Variants in UBE3A observed in about 807,000 individuals in gnomAD.
The protein encoded by UBE3A is ubiquitin-protein ligase E3A.
Under a neutral mutation model 83.4 loss-of-function variants are expected in UBE3A, and 6 were observed. The observed-to-expected ratio is 0.07, with a 90% CI of 0.04 to 0.14. The LOEUF is 0.14. Ranked by LOEUF, UBE3A falls within the 10% of genes least tolerant of loss-of-function variation. The pLI is 1.00. For missense variants in UBE3A, 456 were observed against 1,036.1 expected, an observed-to-expected ratio of 0.44 and a Z score of 7.69; for synonymous variants, 337 against 355.4, an observed-to-expected ratio of 0.95 and a Z score of 0.58.
At chr15:25,352,367 T>C (rs1286814816) in intron 11 of UBE3A, among the ~76,000 whole-genome samples, 1 of 152,206 alleles carries the variant, frequency 6.6e-6, no homozygotes, top group Non-Finnish European at 1.5e-5. Context: ...CCAGAGATAC[T>C]GCCGGTTCAG....
chr15:25,408,753 G>C (rs896022176), intron 3 of UBE3A: 5 of 1,289,230 alleles, frequency 3.9e-6, no homozygotes, highest in Admixed American at 2.3e-5. Flanking sequence ...TAGTTAAAAC[G>C]TTCACCACAT....
intron 4 of UBE3A, among the ~76,000 whole-genome samples, chr15:25,401,128 T>C (rs1356391981): frequency 1.3e-5 from 2 of 152,238 alleles, no homozygotes; most frequent in Non-Finnish European, 2.9e-5. Context: ...GATTCAGGTC[T>C]GTTGGATAAT....
chr15:25,360,304 A>C, intron 7 of UBE3A, 79 bp downstream of exon 7: 2 of 1,589,986 alleles, frequency 1.3e-6, no homozygotes, highest in East Asian at 4.5e-5. Flanking sequence ...CATAGCTGAA[A>C]ATATTTACAA....
At chr15:25,358,789 A>G (rs1027341195) in intron 7 of UBE3A, among the ~76,000 whole-genome samples, 7 of 152,218 alleles carry the variant, frequency 4.6e-5, no homozygotes, top group African/African-American at 1.7e-4. Flanking sequence ...AAATTAAACA[A>G]TTCATATTTG....
At chr15:25,366,155 T>C (rs1035741571) in intron 6 of UBE3A, among the ~76,000 whole-genome samples, 3 of 152,224 alleles carry the variant, frequency 2.0e-5, no homozygotes, top group African/African-American at 7.2e-5. Context: ...TTTGAGGGCA[T>C]AAACCAAGCA....
At chr15:25,386,796 G>A (rs2083238754) in intron 4 of UBE3A, among the ~76,000 whole-genome samples, 1 of 151,918 alleles carries the variant, frequency 6.6e-6, no homozygotes, top group Non-Finnish European at 1.5e-5. Context: ...AATATTCATA[G>A]TGTTGAGAGA....
chr15:25,400,448 T>C (rs1415132528), intron 4 of UBE3A, among the ~76,000 whole-genome samples: 4 of 152,228 alleles, frequency 2.6e-5, no homozygotes, highest in African/African-American at 9.6e-5. Context: ...CCTTATTGTA[T>C]AAGAAAACAG....
At chr15:25,397,531 C>T (rs1162753442) in intron 4 of UBE3A, among the ~76,000 whole-genome samples, 1 of 152,106 alleles carries the variant, frequency 6.6e-6, no homozygotes, top group Non-Finnish European at 1.5e-5. Context: ...ATAATGGCCC[C>T]TCAACTTCTT....
chr15:25,375,490 CTTG>C lies in UBE3A; in HGVS notation c.333_335del (p.Asn111del). The C allele has an allele frequency of 3.7e-6, 6 of 1,614,108 alleles. No homozygotes were observed. The highest frequency in any genetic ancestry group is 5.1e-6 in the Non-Finnish European group (6 of 1,180,026). On this transcript the variant is annotated inframe_deletion, in exon 5 of 13. Transcript: ENST00000648336. Reference sequence around the variant, plus strand: ...CTTTAAAATCAATTCTAGCGCCTTTCTTGTTCATTTTTATCTCAGAGCAGGAGT... The same window carrying C: ...CTTTAAAATCAATTCTAGCGCCTTTCTTCATTTTTATCTCAGAGCAGGAGT...
chr15:25,382,948 T>C (rs1350322638), intron 4 of UBE3A, among the ~76,000 whole-genome samples: 2 of 151,948 alleles, frequency 1.3e-5, no homozygotes, highest in Non-Finnish European at 2.9e-5. Flanking sequence ...TCAGTAACTG[T>C]CCAACAACGC....
At chr15:25,385,410 C>T (rs1272289869) in intron 4 of UBE3A, among the ~76,000 whole-genome samples, 1 of 151,934 alleles carries the variant, frequency 6.6e-6, no homozygotes, top group African/African-American at 2.4e-5. Flanking sequence ...CATCTGAAAC[C>T]ATTAGGATGG....
chr15:25,338,686 T>G lies in UBE3A; in HGVS notation c.*451A>C, dbSNP rs2074214130. 1 of 152,220 alleles carries G rather than the reference T, an allele frequency of 6.6e-6. No individual in the cohort carries two copies. The highest frequency in any genetic ancestry group is 2.4e-5 in the African/African-American group (1 of 41,430). 9.4% of individuals were successfully genotyped at this position (152,220 alleles called of 1,614,324 possible). A position where few individuals can be genotyped will look rare whatever the true frequency, so the allele number is the denominator to read the frequency against. On this transcript the variant is annotated 3_prime_UTR_variant, in exon 13 of 13. Transcript: ENST00000648336. Reference sequence around the variant, plus strand: ...ACAGGGACAAAAAAGTAGCACATACTTGAAGGTTACGTGGTCTACAAATGG... The same window carrying G: ...ACAGGGACAAAAAAGTAGCACATACGTGAAGGTTACGTGGTCTACAAATGG...
chr15:25,419,586 G>A (rs1032724708), intron 1 of UBE3A: 1 of 151,840 alleles, frequency 6.6e-6, no homozygotes, highest in Non-Finnish European at 1.5e-5. Flanking sequence ...TCTCCACAAA[G>A]AAAAATAAAT....
chr15:25,411,036 T>A (rs2089896701), intron 2 of UBE3A, among the ~76,000 whole-genome samples: 1 of 152,202 alleles, frequency 6.6e-6, no homozygotes, highest in Non-Finnish European at 1.5e-5. Flanking sequence ...AAGAGCTATA[T>A]GTATTTTGAA....
At chr15:25,403,780 T>C (rs999515072) in intron 4 of UBE3A, among the ~76,000 whole-genome samples, 23 of 152,238 alleles carry the variant, frequency 1.5e-4, no homozygotes, top group African/African-American at 5.5e-4. Context: ...TGAAAAAGGA[T>C]GCAAATTTTG....
At chr15:25,389,697 G>T (rs1350641169) in intron 4 of UBE3A, among the ~76,000 whole-genome samples, 1 of 152,136 alleles carries the variant, frequency 6.6e-6, no homozygotes, top group Non-Finnish European at 1.5e-5. Context: ...AGACCAGCCT[G>T]GCTAACATAG....
At chr15:25,395,782 C>T (rs1019611714) in intron 4 of UBE3A, among the ~76,000 whole-genome samples, 17 of 152,200 alleles carry the variant, frequency 1.1e-4, no homozygotes, top group African/African-American at 4.1e-4. Flanking sequence ...GTAAACTGAG[C>T]ATTTATTAAA....
At chr15:25,434,969 T>TACACACAC (rs55856025) in intron 1 of UBE3A, among the ~76,000 whole-genome samples, 42 of 142,998 alleles carry the variant, frequency 2.9e-4, no homozygotes, top group African/African-American at 1.0e-3. Context: ...TCTATATACA[T>TACACACAC]ACACACACAC....
rs763466104 is a variant in UBE3A at position 25,405,433 on chromosome 15, A to G, written c.62+28T>C. 1.9e-5 allele frequency: 31 copies of G among 1,613,190 alleles called. No homozygotes were observed. In the African/African-American group the frequency reaches 3.5e-4, roughly 18 times the overall value. ...CAGTCTAGGGCAACTCAAAATAAGA[A>G]CCACAGTCTCAACCAAGTTACACTT... is the stretch of plus-strand genomic sequence containing the variant. On this transcript the variant is annotated intron_variant, in intron 4 of 12. Coordinates refer to ENST00000648336, the MANE Select transcript of UBE3A (RefSeq NM_130839.5).
Sources: allele counts gnomAD v4.1 joint callset (sites outside exome capture counted in the v4.1 genomes callset), GRCh38; gene constraint gnomAD v4.1.1; transcripts MANE v1.5; gene names NCBI Gene and HGNC (gene_info 2026-07-23, HGNC 2026-07-21).